Variants in MBTD1 observed in about 807,000 individuals in gnomAD.
The protein encoded by MBTD1 is MBT domain-containing protein 1.
Under a neutral mutation model 87.8 loss-of-function variants are expected in MBTD1, and 24 were observed. That is an observed-to-expected ratio of 0.27 (90% CI 0.20 to 0.38). MBTD1 has a LOEUF of 0.38. MBTD1 is among the 10% of genes least tolerant of loss of function. The pLI, the probability that MBTD1 is intolerant of heterozygous loss-of-function variation, is 1.00. For missense variants in MBTD1, 436 were observed against 760.2 expected (o/e 0.57, Z 5.02); for synonymous variants, 237 against 248.6 (o/e 0.95, Z 0.44).
At chr17:51,256,183 T>C (rs1454812318) in intron 2 of MBTD1, 1 of 152,208 alleles carries the variant, frequency 6.6e-6, no homozygotes, top group Admixed American at 6.5e-5. Flanking sequence ...AGCAGCTTAC[T>C]TTTTTTAAAC....
chr17:51,193,470 C>T lies in MBTD1; in HGVS notation c.1413G>A (p.Arg471=), dbSNP rs748981752. The T allele has an allele frequency of 9.3e-6, 15 of 1,612,582 alleles. No homozygotes were observed. Among genetic ancestry groups the T allele is most frequent in the Non-Finnish European group, 1.3e-5 (15 of 1,179,634 alleles). The change falls in exon 14 of 17, where the codon AGG becomes AGA. Residue 471 remains arginine, a synonymous_variant. Transcript: ENST00000586178. Reference sequence around the variant, plus strand: ...CTGGTGCTGCAATGGAGCCAGTTTCCCTGAGGTAGTCAAACCATTTAAAAG... The same window carrying T: ...CTGGTGCTGCAATGGAGCCAGTTTCTCTGAGGTAGTCAAACCATTTAAAAG... ...KLPFKWFDYL[R]ETGSIAAPVK...
In MBTD1 at chr17:51,201,605, G is replaced by T; in HGVS notation, c.1211C>A (p.Ala404Glu). Residue 404 changes from alanine (A) to glutamate (E), a missense_variant, in exon 12 of 17, where the codon GCA becomes GAA. Around this residue, in one of 5 missense-constraint regions of MBTD1, gnomAD observed 268 missense variants for 401.8 expected, o/e 0.67. Coordinates refer to ENST00000586178, the MANE Select transcript of MBTD1 (RefSeq NM_017643.3). Reference protein sequence around the residue: ...DPLNLSTICVATIRKVLADGF... With the variant: ...DPLNLSTICVETIRKVLADGF... ...CTATTATCTTACCTTTCTAATGGTT[G>T]CGACACATATTGTAGAAAGATTTAA... The T allele has an allele frequency of 6.3e-7, 1 of 1,599,702 alleles. No homozygotes were observed. The highest frequency in any genetic ancestry group is 8.5e-7 in the Non-Finnish European group (1 of 1,170,688).
At chr17:51,259,116 G>C in intron 2 of MBTD1, 27 bp downstream of exon 2, 1 of 447,912 alleles carries the variant, frequency 2.2e-6, no homozygotes, top group Non-Finnish European at 3.7e-6. Flanking sequence ...TGCTTTTAGG[G>C]GTGTAAGCAG....
Position 51,225,096 on chromosome 17 carries a change from C to T in MBTD1, c.66G>A (p.Glu22=). The T allele has an allele frequency of 6.4e-7, 1 of 1,551,472 alleles. No homozygotes were observed. Among genetic ancestry groups the T allele is most frequent in the Non-Finnish European group, 8.7e-7 (1 of 1,146,764 alleles). ...TSSSSSSEES[E]EEVAPLPSNL... is the part of the protein sequence containing the mutation. ...TAGAAGGTAAAGGAGCGACTTCTTC[C>T]TCACTCTCTTCGGAGCTGGAGCTGC... Residue 22 remains glutamate, a synonymous_variant, in exon 3 of 17, where the codon GAG becomes GAA. Coordinates refer to ENST00000586178, the MANE Select transcript of MBTD1 (RefSeq NM_017643.3).
rs1006029705 is a variant in MBTD1 at position 51,179,290 on chromosome 17, C to T, written c.*1286G>A. On this transcript the variant is annotated 3_prime_UTR_variant, in exon 17 of 17. Coordinates refer to ENST00000586178, the MANE Select transcript of MBTD1 (RefSeq NM_017643.3). Reference sequence around the variant, plus strand: ...TTAGTTTATGAACCTCACTGGTAAACGCTAGAGCGCTCTCATTCAGTCACA... The same window carrying T: ...TTAGTTTATGAACCTCACTGGTAAATGCTAGAGCGCTCTCATTCAGTCACA... 3.3e-5 allele frequency: 5 copies of T among 150,666 alleles called. No homozygotes were observed. The highest frequency in any genetic ancestry group is 4.9e-5 in the African/African-American group (2 of 41,136). 9.3% of individuals were successfully genotyped at this position (150,666 alleles called of 1,614,324 possible).
intron 16 of MBTD1, 82 bp downstream of exon 16, chr17:51,192,121 A>G (rs2050845456): frequency 8.0e-6 from 8 of 994,964 alleles, no homozygotes; most frequent in East Asian, 7.8e-5. Context: ...CTCACAAGAT[A>G]TATCATTTTC....
At chr17:51,208,297 C>T (rs1394816287) in intron 6 of MBTD1, among the ~76,000 whole-genome samples, 1 of 152,212 alleles carries the variant, frequency 6.6e-6, no homozygotes, top group African/African-American at 2.4e-5. Flanking sequence ...ACCTCAGTAA[C>T]TTGGAGAAAT....
At chr17:51,247,391 G>T (rs7214942) in intron 2 of MBTD1, among the ~76,000 whole-genome samples, 14,894 of 150,016 alleles carry the variant, frequency 0.099, 1,114 homozygotes, top group African/African-American at 0.2. Context: ...TGATAACTCT[G>T]TAATTTTCAT....
rs1229106303 is a variant in MBTD1 at position 51,177,929 on chromosome 17, T to C, written c.*2647A>G. On this transcript the variant is annotated 3_prime_UTR_variant, in exon 17 of 17. Transcript: ENST00000586178. ...ATACAAATATTGATGGGAGAGGGTA[T>C]TCACATCACGCAAAATTAATAATAA... is the stretch of plus-strand genomic sequence containing the variant. The C allele has an allele frequency of 2.0e-5, 3 of 151,876 alleles. No homozygotes were observed. Among genetic ancestry groups the C allele is most frequent in the African/African-American group, 7.2e-5 (3 of 41,388 alleles). 9.4% of individuals were successfully genotyped at this position (151,876 alleles called of 1,614,324 possible). A position where few individuals can be genotyped will look rare whatever the true frequency, so the allele number is the denominator to read the frequency against.
intron 2 of MBTD1, chr17:51,256,490 G>A (rs1415617548): frequency 6.6e-6 from 1 of 152,040 alleles, no homozygotes; most frequent in Non-Finnish European, 1.5e-5. Context: ...ACATTCCCAG[G>A]ACCCACTGCA....
At chr17:51,231,862 T>C (rs2053568790) in intron 2 of MBTD1, among the ~76,000 whole-genome samples, 1 of 148,850 alleles carries the variant, frequency 6.7e-6, no homozygotes, top group African/African-American at 2.5e-5. Flanking sequence ...CTTATCTAAG[T>C]TTTTTTTTTA....
At chr17:51,205,003 T>C (rs997515189) in intron 7 of MBTD1, among the ~76,000 whole-genome samples, 4 of 152,166 alleles carry the variant, frequency 2.6e-5, no homozygotes, top group African/African-American at 4.8e-5. Context: ...CTTAGGCAAA[T>C]AGGAAGGCTT....
intron 6 of MBTD1, among the ~76,000 whole-genome samples, chr17:51,214,539 T>C (rs1218412420): frequency 6.6e-6 from 1 of 152,082 alleles, no homozygotes; most frequent in East Asian, 1.9e-4. Context: ...AAACAGAAAG[T>C]ATTTATCTGG....
chr17:51,259,841 C>G lies in MBTD1; in HGVS notation c.-119G>C. On this transcript the variant is annotated 5_prime_UTR_variant, in exon 1 of 17. Coordinates refer to ENST00000586178, the MANE Select transcript of MBTD1 (RefSeq NM_017643.3). ...TGCCGCGCTCGGCTCTCACCAGATC[C>G]TTTGTGTTTTCCATCAGGGCCTCAT... 2.4e-6 allele frequency: 3 copies of G among 1,232,096 alleles called. No homozygotes were observed. Among genetic ancestry groups the G allele is most frequent in the Non-Finnish European group, 2.0e-6 (2 of 987,976 alleles). The allele number at this position is 1,232,096 out of a possible 1,614,324, so 76.3% of individuals were successfully genotyped here.
chr17:51,242,749 G>A (rs1369829926), intron 2 of MBTD1, among the ~76,000 whole-genome samples: 1 of 151,992 alleles, frequency 6.6e-6, no homozygotes, highest in African/African-American at 2.4e-5. Context: ...ATCACTTTCC[G>A]GTTCATTCTT....
In MBTD1 at chr17:51,179,486, A is replaced by ATATATATATATATATATATATTTATATT. The variant is rs1568135482; in HGVS notation, c.*1089_*1090insAATATAAATATATATATATATATATATA. Reference sequence around the variant, plus strand: ...CCTGAATACAATTAAAGACAATTTTATATATATATATATATATATATATAT... The same window carrying ATATATATATATATATATATATTTATATT: ...CCTGAATACAATTAAAGACAATTTTATATATATATATATATATATATTTATATTTATATATATATATATATATATATAT... On this transcript the variant is annotated 3_prime_UTR_variant, in exon 17 of 17. Transcript: ENST00000586178. The ATATATATATATATATATATATTTATATT allele has an allele frequency of 2.1e-3, 31 of 15,016 alleles. 1 individual carries two copies. Among genetic ancestry groups the ATATATATATATATATATATATTTATATT allele is most frequent in the South Asian group, 5.6e-3 (2 of 358 alleles). 0.9% of individuals were successfully genotyped at this position (15,016 alleles called of 1,614,324 possible). A position where few individuals can be genotyped will look rare whatever the true frequency, so the allele number is the denominator to read the frequency against.
chr17:51,209,489 G>A (rs1346166526), intron 6 of MBTD1: 3 of 470,888 alleles, frequency 6.4e-6, no homozygotes, highest in Non-Finnish European at 1.3e-5. Context: ...ATGCTGAGGG[G>A]TCCCCAACAC....
In MBTD1 at chr17:51,179,516, A is replaced by ATATATTTATATT. The variant is rs2050225238; in HGVS notation, c.*1059_*1060insAATATAAATATA. 1.1e-5 allele frequency: 1 copy of ATATATTTATATT among 87,988 alleles called. No individual in the cohort carries two copies. Among genetic ancestry groups the ATATATTTATATT allele is most frequent in the Admixed American group, 1.2e-4 (1 of 8,476 alleles). 5.5% of individuals were successfully genotyped at this position (87,988 alleles called of 1,614,324 possible). A position where few individuals can be genotyped will look rare whatever the true frequency, so the allele number is the denominator to read the frequency against. On this transcript the variant is annotated 3_prime_UTR_variant, in exon 17 of 17. Coordinates refer to ENST00000586178, the MANE Select transcript of MBTD1 (RefSeq NM_017643.3). ...TATATATATATATATATATATATAT[A>ATATATTTATATT]TATATATATATATATATATATGGAA...
rs145498452 is a variant in MBTD1 at position 51,238,212 on chromosome 17, T to A, written c.-48-13003A>T. On this transcript the variant is annotated intron_variant, in intron 2 of 16. Transcript: ENST00000586178. ...GCGTACACCTATGTTTCTGTGCAGTTTAATTTTGTCAATTTTTACTTCAAT... is the reference window on the plus strand; with the variant it reads ...GCGTACACCTATGTTTCTGTGCAGTATAATTTTGTCAATTTTTACTTCAAT... 3.3e-5 allele frequency among the ~76,000 whole-genome samples: 5 copies of A among 152,282 alleles called. No individual in the cohort carries two copies. In the East Asian group the frequency reaches 9.6e-4, roughly 29 times the overall value.
Sources: gnomAD v4.1 joint callset for allele counts (sites outside exome capture counted in the v4.1 genomes callset) on GRCh38, gnomAD v4.1.1 for gene constraint, gnomAD v4.1.1 regional missense constraint, MANE v1.5 for transcripts, NCBI Gene and HGNC (gene_info 2026-07-23, HGNC 2026-07-21) for gene names.